The following CPA4 variants were observed in gnomAD, a reference collection of about 807,000 sequenced individuals.
CPA4 encodes carboxypeptidase A4.
Under a neutral mutation model 54.7 loss-of-function variants are expected in CPA4, and 49 were observed. That is an observed-to-expected ratio of 0.90 (90% CI 0.71 to 1.14). The LOEUF (loss-of-function observed/expected upper bound fraction) is 1.14. CPA4 is among the 50% of genes most tolerant of loss of function. The probability of loss-of-function intolerance (pLI) is 0.00; values close to 1 mark genes in which losing one functional copy is unlikely to be tolerated. For missense variants in CPA4, 487 were observed against 525.1 expected (o/e 0.93, Z 0.71); for synonymous variants, 215 against 206.8 (o/e 1.04, Z -0.34).
intron 10 of CPA4, among the ~76,000 whole-genome samples, chr7:130,312,473 T>C (rs1793930142): frequency 6.6e-6 from 1 of 152,162 alleles, no homozygotes; most frequent in Admixed American, 6.5e-5. Flanking sequence ...TGATATGGTT[T>C]GGCTGTGTCC....
intron 5 of CPA4, 143 bp from the exon 6 acceptor site, chr7:130,305,673 C>A: frequency 1.4e-6 from 1 of 704,620 alleles, no homozygotes; most frequent in Non-Finnish European, 2.4e-6. Context: ...CGGATAAGCT[C>A]GATAAATAGA....
At chr7:130,316,379 G>T (rs1318297820) in intron 10 of CPA4, among the ~76,000 whole-genome samples, 1 of 152,162 alleles carries the variant, frequency 6.6e-6, no homozygotes, top group African/African-American at 2.4e-5. Flanking sequence ...TAGGGTTAGG[G>T]CTCTTAGGGC....
At chr7:130,311,248 C>T (rs537249976) in intron 9 of CPA4, among the ~76,000 whole-genome samples, 9 of 152,206 alleles carry the variant, frequency 5.9e-5, no homozygotes, top group Non-Finnish European at 1.3e-4. Context: ...TTCTGACTGC[C>T]ATGTATTGTG....
At chr7:130,307,238 A>G (rs1793836430) in intron 7 of CPA4, among the ~76,000 whole-genome samples, 1 of 130,654 alleles carries the variant, frequency 7.7e-6, no homozygotes, top group Non-Finnish European at 1.7e-5. Flanking sequence ...CTAACTGACG[A>G]TAGAAAAAAA....
At chr7:130,312,794 G>C (rs1022661909) in intron 10 of CPA4, among the ~76,000 whole-genome samples, 6 of 152,292 alleles carry the variant, frequency 3.9e-5, no homozygotes, top group African/African-American at 1.4e-4. Flanking sequence ...GTATTTAAGG[G>C]TTTAGGGAGG....
chr7:130,322,518 G>A lies in CPA4; in HGVS notation c.1108G>A (p.Ala370Thr), dbSNP rs1041984459. 12 of 1,613,956 alleles carry A rather than the reference G, an allele frequency of 7.4e-6. No homozygotes were observed. The highest frequency in any genetic ancestry group is 1.6e-4 in the Middle Eastern group (1 of 6,084). The change falls in exon 11 of 11, where the codon GCA becomes ACA. Residue 370 changes from alanine to threonine, a missense_variant. Ala to Thr is a moderately conservative substitution (Grantham distance 58). Coordinates refer to ENST00000222482, the MANE Select transcript of CPA4 (RefSeq NM_016352.4). Reference protein sequence around the residue: ...YPASGSSIDWAYDNGIKFAFT... With the variant: ...YPASGSSIDWTYDNGIKFAFT... Reference sequence around the variant, plus strand: ...AGCTAGCGGGAGCAGCATCGACTGGGCATATGACAACGGCATCAAATTTGC... The same window carrying A: ...AGCTAGCGGGAGCAGCATCGACTGGACATATGACAACGGCATCAAATTTGC...
At chr7:130,298,929 AT>A in intron 2 of CPA4, 102 bp downstream of exon 2, 1 of 745,240 alleles carries the variant, frequency 1.3e-6, no homozygotes, top group Non-Finnish European at 2.3e-6. Flanking sequence ...GAGTCTCTGA[AT>A]ATAATCCTGT....
At chr7:130,304,717 G>A in intron 5 of CPA4, 138 bp downstream of exon 5, 1 of 658,628 alleles carries the variant, frequency 1.5e-6, no homozygotes, top group Non-Finnish European at 2.7e-6. Flanking sequence ...TACCTGGGCT[G>A]GAACTTGGTC....
At chr7:130,308,830 C>A (rs536263698) in intron 8 of CPA4, among the ~76,000 whole-genome samples, 1 of 147,788 alleles carries the variant, frequency 6.8e-6, no homozygotes, top group East Asian at 2.0e-4. Flanking sequence ...GGAGTATAGC[C>A]GTAAGCCACC....
intron 10 of CPA4, among the ~76,000 whole-genome samples, chr7:130,315,819 G>A (rs764679513): frequency 2.0e-5 from 3 of 152,160 alleles, no homozygotes; most frequent in Admixed American, 6.5e-5. Context: ...ATAAGGTGAC[G>A]CTTTGTGGCA....
chr7:130,314,988 G>A (rs551984386), intron 10 of CPA4, among the ~76,000 whole-genome samples: 1 of 152,270 alleles, frequency 6.6e-6, no homozygotes, highest in African/African-American at 2.4e-5. Context: ...TGGGTATGTG[G>A]TGAAGGGAAG....
intron 1 of CPA4, among the ~76,000 whole-genome samples, chr7:130,297,453 C>G (rs1330567554): frequency 2.0e-5 from 3 of 152,180 alleles, no homozygotes; most frequent in African/African-American, 7.2e-5. Flanking sequence ...ACCCGCTGAC[C>G]TCCAGGACCC....
intron 10 of CPA4, among the ~76,000 whole-genome samples, chr7:130,317,949 C>T (rs1410468498): frequency 1.3e-5 from 2 of 152,168 alleles, no homozygotes; most frequent in African/African-American, 4.8e-5. Context: ...ATCCACCCCC[C>T]GGGCCCTCCT....
chr7:130,313,399 A>T (rs895936103), intron 10 of CPA4, among the ~76,000 whole-genome samples: 5 of 152,174 alleles, frequency 3.3e-5, no homozygotes, highest in African/African-American at 1.2e-4. Flanking sequence ...AAAGTTTTTC[A>T]GCAGTGTTTC....
Position 130,322,782 on chromosome 7 carries a change from T to G in CPA4, c.*106T>G. 8.6e-7 allele frequency: 1 copy of G among 1,167,724 alleles called. No homozygotes were observed. Among genetic ancestry groups the G allele is most frequent in the Non-Finnish European group, 1.2e-6 (1 of 832,730 alleles). The allele number at this position is 1,167,724 out of a possible 1,614,324, so 72.3% of individuals were successfully genotyped here. On this transcript the variant is annotated 3_prime_UTR_variant, in exon 11 of 11. Transcript: ENST00000222482. ...CCTGTGTGAGTCAGAGCCCTCTGGG[T>G]TTGTGGAGCACACAGGCCTGCCCCT... is the stretch of plus-strand genomic sequence containing the variant.
intron 4 of CPA4, among the ~76,000 whole-genome samples, chr7:130,302,109 A>T (rs1240915544): frequency 6.6e-6 from 1 of 152,094 alleles, no homozygotes; most frequent in Admixed American, 6.5e-5. Context: ...TCTTGTCCTC[A>T]CTGTGACACC....
At chr7:130,293,769 C>T (rs1793607272) in intron 1 of CPA4, among the ~76,000 whole-genome samples, 1 of 152,204 alleles carries the variant, frequency 6.6e-6, no homozygotes. Flanking sequence ...GAGCTACACC[C>T]TCTTCTGAGC....
At chr7:130,307,501 G>A (rs1038882361) in intron 7 of CPA4, among the ~76,000 whole-genome samples, 2 of 151,998 alleles carry the variant, frequency 1.3e-5, no homozygotes, top group Non-Finnish European at 2.9e-5. Context: ...GTGTGGTGGT[G>A]GGTGCCTGTA....
chr7:130,293,240 A>AT lies in CPA4; in HGVS notation c.66dup (p.Gly23TrpfsTer8). ...GGTCCAGCATCTGTGGCCAAGAAAA[A>AT]TTTTTTGGGTAAGTTCCTTTTGGAC... On this transcript the variant is annotated frameshift_variant, in exon 1 of 11. Transcript: ENST00000222482. LOFTEE classifies it high-confidence loss of function. The AT allele has an allele frequency of 6.2e-7, 1 of 1,602,446 alleles. No individual in the cohort carries two copies. Among genetic ancestry groups the AT allele is most frequent in the Non-Finnish European group, 8.5e-7 (1 of 1,169,794 alleles).
Sources: allele counts gnomAD v4.1 joint callset (sites outside exome capture counted in the v4.1 genomes callset), GRCh38; gene constraint gnomAD v4.1.1; transcripts MANE v1.5; gene names NCBI Gene and HGNC (gene_info 2026-07-23, HGNC 2026-07-21).